Variants in FRG2C observed in about 807,000 individuals in gnomAD.
FRG2C encodes the protein protein FRG2-like-2.
FRG2C carries 8 observed loss-of-function variants against 14.1 expected under a neutral mutation model. That is an observed-to-expected ratio of 0.57 (90% CI 0.33 to 1.02). The LOEUF (loss-of-function observed/expected upper bound fraction) is 1.02. FRG2C is among the 50% of genes least tolerant of loss of function. The probability of loss-of-function intolerance (pLI) is 0.03; values close to 1 mark genes in which losing one functional copy is unlikely to be tolerated. For missense variants in FRG2C, 214 were observed against 334.2 expected (o/e 0.64, Z 2.80); for synonymous variants, 92 against 127.4 (o/e 0.72, Z 1.87).
chr3:75,664,849 A>C lies in FRG2C; in HGVS notation c.209A>C (p.Asn70Thr). ...TCAGATCCCAATCCAAACAAGGAGA[A>C]TTCTGAGGAAACCAAGCTCAAGGCC... ...AGSDPNPNKE[N>T]SEETKLKAGN... Residue 70 changes from asparagine (N) to threonine (T), a missense_variant, in exon 2 of 4, where the codon AAT becomes ACT. Physicochemically the swap from Asn to Thr is moderately conservative, Grantham distance 65 (BLOSUM62 0). Around this residue, in one of 3 missense-constraint regions of FRG2C, gnomAD observed 136 missense variants for 148.1 expected, o/e 0.92. Transcript: ENST00000308062. 1 of 1,614,278 alleles carries C rather than the reference A, an allele frequency of 6.2e-7. No individual in the cohort carries two copies.
rs1937111539 is a variant in FRG2C at position 75,666,613 on chromosome 3, T to C, written c.*572T>C. ...CCAGGTTGGCCTCGGACTCAAGTGA[T>C]CCACCAGCCTCCACCTCCCGACGTG... On this transcript the variant is annotated 3_prime_UTR_variant, in exon 4 of 4. Coordinates refer to ENST00000308062, the MANE Select transcript of FRG2C (RefSeq NM_001124759.5). 6.0e-6 allele frequency: 1 copy of C among 165,688 alleles called. No individual in the cohort carries two copies. The highest frequency in any genetic ancestry group is 2.4e-5 in the African/African-American group (1 of 41,562). The allele number at this position is 165,688 out of a possible 1,614,324, so 10.3% of individuals were successfully genotyped here.
In FRG2C at chr3:75,664,907, A is replaced by T. The variant is rs1311783292; in HGVS notation, c.256+11A>T. 1 of 1,614,236 alleles carries T rather than the reference A, an allele frequency of 6.2e-7. No homozygotes were observed. The highest frequency in any genetic ancestry group is 8.5e-7 in the Non-Finnish European group (1 of 1,180,048). On this transcript the variant is annotated intron_variant, in intron 2 of 3. Coordinates refer to ENST00000308062, the MANE Select transcript of FRG2C (RefSeq NM_001124759.5). ...GCACTGCTGGATCAGGTAAGATTTGACTCTTTCAAGGTGAGAAGGGACAGG... is the reference window on the plus strand; with the variant it reads ...GCACTGCTGGATCAGGTAAGATTTGTCTCTTTCAAGGTGAGAAGGGACAGG...
In FRG2C at chr3:75,666,310, T is replaced by A; in HGVS notation, c.*269T>A. 3.2e-6 allele frequency: 2 copies of A among 619,418 alleles called. No homozygotes were observed. The highest frequency in any genetic ancestry group is 5.7e-5 in the East Asian group (2 of 34,832). The allele number at this position is 619,418 out of a possible 1,614,324, so 38.4% of individuals were successfully genotyped here. A position where few individuals can be genotyped will look rare whatever the true frequency, so the allele number is the denominator to read the frequency against. ...CTGATGACAGTCGTGCATTTCTATA[T>A]AATCAGAAAAATATTAGGTTGCAAT... On this transcript the variant is annotated 3_prime_UTR_variant, in exon 4 of 4. Transcript: ENST00000308062.
chr3:75,665,725 CCTCTGTGCGAG>C lies in FRG2C; in HGVS notation c.536_546del (p.Ser179TyrfsTer24). 1 of 1,614,070 alleles carries C rather than the reference CCTCTGTGCGAG, an allele frequency of 6.2e-7. No individual in the cohort carries two copies. Among genetic ancestry groups the C allele is most frequent in the South Asian group, 1.1e-5 (1 of 91,080 alleles). ...CCGTCACTTCGAAAAAGCTTGGTGA[CCTCTGTGCGAG>C]CTATGTCGGAGGCTGTTTATCAAGA... On this transcript the variant is annotated frameshift_variant, in exon 4 of 4. Coordinates refer to ENST00000308062, the MANE Select transcript of FRG2C (RefSeq NM_001124759.5). LOFTEE classifies it low-confidence loss of function (END_TRUNC).
chr3:75,665,819 A>C lies in FRG2C; in HGVS notation c.627A>C (p.Thr209=). ...IHSPLTCEQL[T]LLTRLRGPLC... is the part of the protein sequence containing the mutation. ...CTCCACTGACCTGTGAGCAGCTGAC[A>C]CTGCTCACTCGGCTCCGGGGGCCTC... The change falls in exon 4 of 4, where the codon ACA becomes ACC. Residue 209 remains threonine, a synonymous_variant. Coordinates refer to ENST00000308062, the MANE Select transcript of FRG2C (RefSeq NM_001124759.5). 3.1e-6 allele frequency: 5 copies of C among 1,614,054 alleles called. No homozygotes were observed. The highest frequency in any genetic ancestry group is 1.1e-5 in the South Asian group (1 of 91,080).
Position 75,665,642 on chromosome 3 carries a change from C to T in FRG2C, c.450C>T (p.Ser150=), listed in dbSNP as rs1403109243. 6.8e-6 allele frequency: 11 copies of T among 1,613,932 alleles called. No individual in the cohort carries two copies. The highest frequency in any genetic ancestry group is 1.3e-5 in the African/African-American group (1 of 74,956). Residue 150 remains serine, a synonymous_variant, in exon 4 of 4, where the codon TCC becomes TCT. Coordinates refer to ENST00000308062, the MANE Select transcript of FRG2C (RefSeq NM_001124759.5). ...ETCDAHHRGS[S]RACTGRSKRH... ...GTGATGCCCACCATAGGGGAAGTTC[C>T]AGGGCTTGCACTGGGCGCAGCAAGC...
chr3:75,665,442 G>C (rs1937064327), intron 3 of FRG2C, 85 bp from the exon 4 acceptor site: 8 of 1,550,308 alleles, frequency 5.2e-6, no homozygotes, highest in South Asian at 1.3e-5. Context: ...GAGACAAATG[G>C]GGTTCACCTG....
At position 75,665,705 on chromosome 3, in the gene FRG2C, A is replaced by G; in HGVS notation, c.513A>G (p.Ser171=). The part of the protein sequence containing the change: ...RSRALEVQTP[S]LRKSLVTSVR... Reference sequence around the variant, plus strand: ...GGGCCCTAGAAGTCCAAACACCGTCACTTCGAAAAAGCTTGGTGACCTCTG... The same window carrying G: ...GGGCCCTAGAAGTCCAAACACCGTCGCTTCGAAAAAGCTTGGTGACCTCTG... Residue 171 remains serine (S), a synonymous_variant, in exon 4 of 4, where the codon TCA becomes TCG. Transcript: ENST00000308062. The G allele has an allele frequency of 6.2e-7, 1 of 1,614,090 alleles. No homozygotes were observed. The highest frequency in any genetic ancestry group is 8.5e-7 in the Non-Finnish European group (1 of 1,179,888).
rs1937027907 is a variant in FRG2C, at chr3:75,664,481, A to T, written c.102A>T (p.Ser34=). 6.2e-7 allele frequency: 1 copy of T among 1,612,950 alleles called. No individual in the cohort carries two copies. The change falls in exon 1 of 4, where the codon TCA becomes TCT. Residue 34 remains serine, a synonymous_variant. Transcript: ENST00000308062. ...AGATCTCCTTTACAGAAAAGGGCTC[A>T]GATGAGAAGAAACCATTCAAAGGAA... The part of the protein sequence containing the change: ...FQQISFTEKG[S]DEKKPFKGKG...
At chr3:75,665,460 A>G in intron 3 of FRG2C, 67 bp from the exon 4 acceptor site, 1 of 1,565,586 alleles carries the variant, frequency 6.4e-7, no homozygotes. Flanking sequence ...CTGGGTGCAC[A>G]GGGGGTTCTG....
chr3:75,666,602 G>C lies in FRG2C; in HGVS notation c.*561G>C, dbSNP rs879020901. 3,338 of 165,864 alleles carry C rather than the reference G, an allele frequency of 0.02. No individual in the cohort carries two copies. Among genetic ancestry groups the C allele is most frequent in the South Asian group, 0.064 (403 of 6,332 alleles). 10.3% of individuals were successfully genotyped at this position (165,864 alleles called of 1,614,324 possible). ...TGTCACGTTGGCCAGGTTGGCCTCGGACTCAAGTGATCCACCAGCCTCCAC... is the reference window on the plus strand; with the variant it reads ...TGTCACGTTGGCCAGGTTGGCCTCGCACTCAAGTGATCCACCAGCCTCCAC... On this transcript the variant is annotated 3_prime_UTR_variant, in exon 4 of 4. Transcript: ENST00000308062.
rs1423982249 is a variant in FRG2C, at chr3:75,664,350, A to G, written c.-30A>G. 3 of 1,612,120 alleles carry G rather than the reference A, an allele frequency of 1.9e-6. No individual in the cohort carries two copies. The highest frequency in any genetic ancestry group is 3.3e-5 in the Admixed American group (2 of 60,024). On this transcript the variant is annotated 5_prime_UTR_variant, in exon 1 of 4. The change abolishes the stop of an existing upstream ORF in the 5' untranslated region. Coordinates refer to ENST00000308062, the MANE Select transcript of FRG2C (RefSeq NM_001124759.5). ...CCCACACTCTGCCTTTGGACATGTG[A>G]GAGAGCGCACCTTTCACTTGAGCTT...
chr3:75,664,715 G>A, intron 1 of FRG2C, 104 bp from the exon 2 acceptor site: 1 of 1,606,518 alleles, frequency 6.2e-7, no homozygotes, highest in Admixed American at 1.7e-5. Context: ...TCATGACACT[G>A]GCAGAAGAGC....
intron 2 of FRG2C, 88 bp downstream of exon 2, chr3:75,664,984 G>C: frequency 2.5e-6 from 4 of 1,611,378 alleles, no homozygotes; most frequent in Non-Finnish European, 3.4e-6. Flanking sequence ...TTGGCAGCCA[G>C]GGCAGTACAG....
At position 75,666,087 on chromosome 3, in the gene FRG2C, G is replaced by A. The variant is rs1179419870; in HGVS notation, c.*46G>A. On this transcript the variant is annotated 3_prime_UTR_variant, in exon 4 of 4. Transcript: ENST00000308062. ...GCTCTGGGAATGAGAACAAGGACCT[G>A]CTTCTTCTCAGATTCTTCCAGACGA... 1.2e-6 allele frequency: 2 copies of A among 1,611,368 alleles called. No homozygotes were observed. Among genetic ancestry groups the A allele is most frequent in the African/African-American group, 2.7e-5 (2 of 74,832 alleles).
chr3:75,664,725 C>T, intron 1 of FRG2C, 94 bp from the exon 2 acceptor site: 1 of 1,608,768 alleles, frequency 6.2e-7, no homozygotes. Context: ...GGCAGAAGAG[C>T]TTCACATGAA....
Position 75,667,171 on chromosome 3 carries a change from A to G in FRG2C, c.*1130A>G, listed in dbSNP as rs1165630919. 1 of 152,308 alleles carries G rather than the reference A, an allele frequency of 6.6e-6. No homozygotes were observed. Among genetic ancestry groups the G allele is most frequent in the African/African-American group, 2.4e-5 (1 of 41,482 alleles). The allele number at this position is 152,308 out of a possible 1,614,324, so 9.4% of individuals were successfully genotyped here. On this transcript the variant is annotated 3_prime_UTR_variant, in exon 4 of 4. Transcript: ENST00000308062. ...AAACATTAATGTTGTTTGGAATTTT[A>G]AATTTCTTTCATATGGAATTTGTAT...
chr3:75,664,762 G>A lies in FRG2C; in HGVS notation c.179-57G>A, dbSNP rs376221321. On this transcript the variant is annotated intron_variant, in intron 1 of 3. Coordinates refer to ENST00000308062, the MANE Select transcript of FRG2C (RefSeq NM_001124759.5). ...GACTGATTCTCAAAAATGCATGAGA[G>A]ATAGACTATGGGACTCTGCCTAGGG... 25 of 1,612,824 alleles carry A rather than the reference G, an allele frequency of 1.6e-5. No homozygotes were observed. The East Asian group carries it at 2.7e-4, about 17-fold the overall frequency.
In FRG2C at chr3:75,667,140, T is replaced by C; in HGVS notation, c.*1099T>C. On this transcript the variant is annotated 3_prime_UTR_variant, in exon 4 of 4. Transcript: ENST00000308062. ...TTATAATTTTCATTTTATGTAATAA[T>C]GAAATAAACATTAATGTTGTTTGGA... The C allele has an allele frequency of 6.6e-6, 1 of 152,310 alleles. No individual in the cohort carries two copies. The highest frequency in any genetic ancestry group is 2.4e-5 in the African/African-American group (1 of 41,488). The allele number at this position is 152,310 out of a possible 1,614,324, so 9.4% of individuals were successfully genotyped here.
Sources: gnomAD v4.1 joint callset for allele counts on GRCh38, gnomAD v4.1.1 for gene constraint, gnomAD v4.1.1 regional missense constraint, MANE v1.5 for transcripts, NCBI Gene and HGNC (gene_info 2026-07-23, HGNC 2026-07-21) for gene names.